Variants in GPC5 observed in about 807,000 individuals in gnomAD.
The protein encoded by GPC5 is glypican-5.
GPC5 carries 47 observed loss-of-function variants against 53.9 expected under a neutral mutation model. The ratio of observed to expected loss-of-function variants is 0.87; its 90% confidence interval spans 0.69 to 1.11. GPC5 has a LOEUF of 1.11. Among genes scored for constraint, GPC5 ranks in the 50% most tolerant of loss-of-function variants. The pLI is 0.00. For synonymous variants in GPC5, 286 were observed against 263.3 expected (o/e 1.09, Z -0.84); for missense variants, 748 against 713.1 (o/e 1.05, Z -0.56).
intron 6 of GPC5, among the ~76,000 whole-genome samples, chr13:91,926,615 G>T (rs559637127): frequency 6.6e-6 from 1 of 152,062 alleles, no homozygotes; most frequent in African/African-American, 2.4e-5. Flanking sequence ...AAAACATGCC[G>T]GCTTCTGTTG....
chr13:91,500,851 C>T (rs923390879), intron 2 of GPC5, among the ~76,000 whole-genome samples: 1 of 152,124 alleles, frequency 6.6e-6, no homozygotes, highest in Non-Finnish European at 1.5e-5. Context: ...AGATAATTGG[C>T]TCATAGGGGT....
intron 2 of GPC5, among the ~76,000 whole-genome samples, chr13:91,618,676 A>G (rs191773941): frequency 6.6e-6 from 1 of 151,738 alleles, no homozygotes; most frequent in Non-Finnish European, 1.5e-5. Flanking sequence ...ATCAGCTCAC[A>G]GTATTTTTGG....
intron 7 of GPC5, among the ~76,000 whole-genome samples, chr13:92,475,168 T>A (rs1594233280): frequency 2.0e-5 from 3 of 152,020 alleles, no homozygotes; most frequent in Non-Finnish European, 1.5e-5. Flanking sequence ...TGGCTTAGGA[T>A]TGACTTGGCG....
At chr13:92,364,823 C>G (rs2043595683) in intron 7 of GPC5, among the ~76,000 whole-genome samples, 1 of 151,776 alleles carries the variant, frequency 6.6e-6, no homozygotes, top group Non-Finnish European at 1.5e-5. Flanking sequence ...AAGGATTTAG[C>G]ATTGATCTTA....
chr13:92,590,796 T>C (rs114880198), intron 7 of GPC5, among the ~76,000 whole-genome samples: 2,363 of 152,324 alleles, frequency 0.016, 74 homozygotes, highest in African/African-American at 0.054. Context: ...TTGAGCACTT[T>C]CCATTTGTCA....
At chr13:91,609,757 C>T (rs886683950) in intron 2 of GPC5, among the ~76,000 whole-genome samples, 1 of 152,194 alleles carries the variant, frequency 6.6e-6, no homozygotes, top group Non-Finnish European at 1.5e-5. Context: ...GCATTGCACT[C>T]TGGGTTTTTA....
intron 6 of GPC5, among the ~76,000 whole-genome samples, chr13:91,922,454 C>T (rs1367063603): frequency 6.6e-6 from 1 of 152,150 alleles, no homozygotes; most frequent in African/African-American, 2.4e-5. Flanking sequence ...ACTCCTCACT[C>T]AATTATTTCA....
intron 6 of GPC5, among the ~76,000 whole-genome samples, chr13:91,923,502 A>C (rs760670751): frequency 3.3e-5 from 5 of 152,216 alleles, no homozygotes; most frequent in Admixed American, 6.5e-5. Context: ...AATAAATACT[A>C]TATAGTTCCA....
At chr13:92,112,275 ATAAGG>A (rs2041563501) in intron 6 of GPC5, among the ~76,000 whole-genome samples, 1 of 152,162 alleles carries the variant, frequency 6.6e-6, no homozygotes, top group African/African-American at 2.4e-5. Context: ...ATAATTATCG[ATAAGG>A]TAACTCAGAA....
At chr13:92,471,170 G>A (rs533197942) in intron 7 of GPC5, among the ~76,000 whole-genome samples, 8 of 152,160 alleles carry the variant, frequency 5.3e-5, no homozygotes, top group Admixed American at 1.3e-4. Flanking sequence ...GTCCTATAGG[G>A]AGGGAGGGTC....
At chr13:92,617,213 C>G (rs2139108349) in intron 7 of GPC5, among the ~76,000 whole-genome samples, 1 of 152,254 alleles carries the variant, frequency 6.6e-6, no homozygotes, top group African/African-American at 2.4e-5. Flanking sequence ...AAGATTCTAT[C>G]AGAGGTTGTC....
chr13:91,651,645 G>T (rs532616378), intron 2 of GPC5, among the ~76,000 whole-genome samples: 1 of 151,832 alleles, frequency 6.6e-6, no homozygotes, highest in Non-Finnish European at 1.5e-5. Flanking sequence ...TTGAACCCGG[G>T]AGGCGGAGGT....
intron 7 of GPC5, among the ~76,000 whole-genome samples, chr13:92,161,963 A>ATATATATATATATG (rs2139007256): frequency 5.7e-5 from 2 of 35,356 alleles, no homozygotes; most frequent in East Asian, 2.4e-3. Flanking sequence ...AGCCATATAT[A>ATATATATATATATG]TATATATATA....
At chr13:91,939,897 C>T (rs1225777553) in intron 6 of GPC5, among the ~76,000 whole-genome samples, 1 of 152,060 alleles carries the variant, frequency 6.6e-6, no homozygotes, top group African/African-American at 2.4e-5. Flanking sequence ...CTTTTCTATC[C>T]TCCTTACAAC....
chr13:91,603,691 G>A (rs1451533813), intron 2 of GPC5, among the ~76,000 whole-genome samples: 1 of 152,120 alleles, frequency 6.6e-6, no homozygotes, highest in African/African-American at 2.4e-5. Context: ...TTTTTAGAGA[G>A]TCATTTACTC....
chr13:92,577,043 T>A (rs1883208183), intron 7 of GPC5, among the ~76,000 whole-genome samples: 1 of 152,188 alleles, frequency 6.6e-6, no homozygotes, highest in African/African-American at 2.4e-5. Flanking sequence ...CTAGCAAATT[T>A]CCAAGATAGT....
At chr13:91,766,168 T>C (rs1423901207) in intron 5 of GPC5, among the ~76,000 whole-genome samples, 1 of 152,194 alleles carries the variant, frequency 6.6e-6, no homozygotes, top group African/African-American at 2.4e-5. Context: ...CAAGTGGGAA[T>C]AGTTTACAAA....
intron 5 of GPC5, among the ~76,000 whole-genome samples, chr13:91,835,949 T>A (rs1348073274): frequency 6.6e-6 from 1 of 152,068 alleles, no homozygotes. Flanking sequence ...ATGAATCTTT[T>A]AGATCTAGAA....
chr13:92,151,632 C>G (rs2041908239), intron 7 of GPC5, among the ~76,000 whole-genome samples: 1 of 152,146 alleles, frequency 6.6e-6, no homozygotes, highest in Non-Finnish European at 1.5e-5. Flanking sequence ...CCACTTCCAT[C>G]CTTTTGCAGG....
Sources: gnomAD v4.1 joint callset for allele counts (sites outside exome capture counted in the v4.1 genomes callset) on GRCh38, gnomAD v4.1.1 for gene constraint, MANE v1.5 for transcripts, NCBI Gene and HGNC (gene_info 2026-07-23, HGNC 2026-07-21) for gene names.